Variants in WFDC9 observed in about 807,000 individuals in gnomAD.
WFDC9 encodes the protein protein WFDC9.
WFDC9 carries 9 observed loss-of-function variants against 9.5 expected under a neutral mutation model. The ratio of observed to expected loss-of-function variants is 0.95; its 90% confidence interval spans 0.57 to 1.65. The LOEUF is 1.65. WFDC9 is among the 40% of genes most tolerant of loss of function. The pLI is 0.00. For synonymous variants in WFDC9, 33 were observed against 32.3 expected (o/e 1.02, Z -0.07); for missense variants, 87 against 106.7 (o/e 0.82, Z 0.81).
Position 45,608,108 on chromosome 20 carries a change from AT to A in WFDC9, c.*1del. 1 of 1,613,554 alleles carries A rather than the reference AT, an allele frequency of 6.2e-7. No homozygotes were observed. The highest frequency in any genetic ancestry group is 8.5e-7 in the Non-Finnish European group (1 of 1,179,790). ...CCCACAGTAGTGATCGGCCAATAGA[AT>A]CTAGGGGTTTAGCATTGATTTAAGG... On this transcript the variant is annotated 3_prime_UTR_variant, in exon 5 of 5. Transcript: ENST00000326000.
intron 1 of WFDC9, among the ~76,000 whole-genome samples, chr20:45,629,073 T>C (rs1181748705): frequency 1.3e-5 from 2 of 152,204 alleles, no homozygotes; most frequent in African/African-American, 4.8e-5. Context: ...TTCTGTCCCA[T>C]GCCCTACAAT....
intron 1 of WFDC9, among the ~76,000 whole-genome samples, chr20:45,623,262 C>T (rs144817939): frequency 1.7e-4 from 26 of 152,238 alleles, no homozygotes; most frequent in African/African-American, 6.3e-4. Flanking sequence ...GATGTTGTTG[C>T]ATCTTTATTT....
At position 45,608,620 on chromosome 20, in the gene WFDC9, G is replaced by A. The variant is rs1295331207; in HGVS notation, c.239+43C>T. On this transcript the variant is annotated intron_variant, in intron 4 of 4. Transcript: ENST00000326000. ...TGAATAGTCGGTAAGGACCAGTGAT[G>A]AAGCATGCCCAGGCCCTAGCCTTCC... 3.2e-6 allele frequency: 5 copies of A among 1,585,070 alleles called. No individual in the cohort carries two copies. In the Admixed American group the frequency reaches 5.3e-5, roughly 17 times the overall value.
At chr20:45,627,118 T>C (rs991013252) in intron 1 of WFDC9, among the ~76,000 whole-genome samples, 1 of 152,248 alleles carries the variant, frequency 6.6e-6, no homozygotes, top group Non-Finnish European at 1.5e-5. Flanking sequence ...AAGTATCACA[T>C]TTATTGATTT....
intron 1 of WFDC9, chr20:45,630,943 A>G (rs141343026): frequency 3.2e-5 from 51 of 1,612,316 alleles, no homozygotes; most frequent in Middle Eastern, 3.3e-4. Context: ...ACTTATGTGA[A>G]TCTCACCGAG....
rs894493892 is a variant in WFDC9 at position 45,608,540 on chromosome 20, A to G, written c.239+123T>C. ...GCAGCCTAGGTTTGGAGATAGGAGGACATTGTCTTTTGCTGCCTATTTCTT... is the reference window on the plus strand; with the variant it reads ...GCAGCCTAGGTTTGGAGATAGGAGGGCATTGTCTTTTGCTGCCTATTTCTT... On this transcript the variant is annotated intron_variant, in intron 4 of 4. Transcript: ENST00000326000. 4 of 1,202,896 alleles carry G rather than the reference A, an allele frequency of 3.3e-6. No homozygotes were observed. In the African/African-American group the frequency reaches 6.1e-5, roughly 18 times the overall value. The allele number at this position is 1,202,896 out of a possible 1,614,324, so 74.5% of individuals were successfully genotyped here. A position where few individuals can be genotyped will look rare whatever the true frequency, so the allele number is the denominator to read the frequency against.
Position 45,629,368 on chromosome 20 carries a change from A to G in WFDC9, c.-153+1835T>C, listed in dbSNP as rs542675886. On this transcript the variant is annotated intron_variant, in intron 1 of 4. Coordinates refer to ENST00000326000, the MANE Select transcript of WFDC9 (RefSeq NM_147198.4). The stretch of plus-strand genomic sequence containing the variant: ...TTACATGATTAAATAAGGGTGGCAA[A>G]AATAGATAACAAAAGTTGTTTATAT... Among the ~76,000 whole-genome samples the G allele has an allele frequency of 1.8e-4, 28 of 152,348 alleles. No individual in the cohort carries two copies. In the South Asian group the frequency reaches 5.8e-3, roughly 32 times the overall value.
At chr20:45,616,269 A>G (rs886999985) in intron 1 of WFDC9, among the ~76,000 whole-genome samples, 4 of 152,218 alleles carry the variant, frequency 2.6e-5, no homozygotes, top group Non-Finnish European at 5.9e-5. Flanking sequence ...CACCAGGAGC[A>G]GATTCCATTC....
intron 1 of WFDC9, among the ~76,000 whole-genome samples, chr20:45,621,899 G>A (rs1982109822): frequency 6.6e-6 from 1 of 152,178 alleles, no homozygotes; most frequent in African/African-American, 2.4e-5. Flanking sequence ...ATAGCTGCAA[G>A]AAAAACCATG....
chr20:45,628,179 C>A (rs1056060607), intron 1 of WFDC9, among the ~76,000 whole-genome samples: 44 of 152,168 alleles, frequency 2.9e-4, no homozygotes, highest in African/African-American at 9.4e-4. Context: ...AACTGAAATA[C>A]AATATACTTT....
chr20:45,627,230 TGAG>T (rs1234714312), intron 1 of WFDC9, among the ~76,000 whole-genome samples: 1 of 152,188 alleles, frequency 6.6e-6, no homozygotes, highest in Non-Finnish European at 1.5e-5. Context: ...AGTATTTTGT[TGAG>T]GATTTTTGCA....
At chr20:45,631,066 C>G in intron 1 of WFDC9, 137 bp downstream of exon 1, 1 of 1,515,432 alleles carries the variant, frequency 6.6e-7, no homozygotes, top group South Asian at 1.4e-5. Context: ...ACTCCTCTAT[C>G]CAAGACTGTG....
intron 3 of WFDC9, 63 bp downstream of exon 3, chr20:45,610,028 G>A (rs1981825105): frequency 7.4e-7 from 1 of 1,343,214 alleles, no homozygotes; most frequent in Admixed American, 1.8e-5. Context: ...GCAGGCCCTG[G>A]ATCAGCTACA....
chr20:45,616,905 T>C (rs983509771), intron 1 of WFDC9, among the ~76,000 whole-genome samples: 2 of 152,230 alleles, frequency 1.3e-5, no homozygotes, highest in Admixed American at 6.5e-5. Flanking sequence ...ATTTTTGAAA[T>C]GATAAATGAG....
chr20:45,612,301 G>A (rs1170019404), intron 2 of WFDC9, among the ~76,000 whole-genome samples: 1 of 151,836 alleles, frequency 6.6e-6, no homozygotes, highest in African/African-American at 2.4e-5. Context: ...GACAGGGGGA[G>A]TTCATTCACT....
At chr20:45,631,121 A>C (rs1982359880) in intron 1 of WFDC9, 82 bp downstream of exon 1, 1 of 1,328,486 alleles carries the variant, frequency 7.5e-7, no homozygotes, top group African/African-American at 1.5e-5. Context: ...GCATAAGAAC[A>C]TCAACAGGAA....
intron 1 of WFDC9, among the ~76,000 whole-genome samples, chr20:45,630,688 C>T (rs1200238048): frequency 6.6e-6 from 1 of 151,866 alleles, no homozygotes. Context: ...AGTGGAGAGA[C>T]AGGATTTAAA....
intron 1 of WFDC9, among the ~76,000 whole-genome samples, chr20:45,619,908 C>T (rs1036235651): frequency 3.3e-5 from 5 of 152,164 alleles, no homozygotes; most frequent in African/African-American, 9.6e-5. Context: ...TGCCTATAAT[C>T]CCAGCTACTC....
At chr20:45,628,580 T>C (rs1375793021) in intron 1 of WFDC9, among the ~76,000 whole-genome samples, 1 of 152,164 alleles carries the variant, frequency 6.6e-6, no homozygotes, top group Non-Finnish European at 1.5e-5. Context: ...AAAGAAAAAC[T>C]AGGAAAGAGA....
Sources: gnomAD v4.1 joint callset for allele counts (sites outside exome capture counted in the v4.1 genomes callset) on GRCh38, gnomAD v4.1.1 for gene constraint, MANE v1.5 for transcripts, NCBI Gene and HGNC (gene_info 2026-07-23, HGNC 2026-07-21) for gene names.